The following KCNQ1 variants were observed in gnomAD, a reference collection of about 807,000 sequenced individuals.
KCNQ1 encodes the protein potassium voltage-gated channel subfamily KQT member 1.
Under a neutral mutation model 72.4 loss-of-function variants are expected in KCNQ1, and 49 were observed. That is an observed-to-expected ratio of 0.68 (90% confidence interval 0.54 to 0.86). The LOEUF is 0.86. Among genes scored for constraint, KCNQ1 ranks in the 40% least tolerant of loss-of-function variants. The pLI is 0.00. For synonymous variants in KCNQ1, 450 were observed against 412.6 expected (o/e 1.09, Z -1.10); for missense variants, 790 against 945.1 (o/e 0.84, Z 2.15).
In KCNQ1 at chr11:2,516,491, A is replaced by G. The variant is rs964579450; in HGVS notation, c.387-11437A>G. ...CTCCGGGCTCAAAATTGGCCCCCAG[A>G]AAGCCTTTGAGATGGACAGGGAGCT... On this transcript the variant is annotated intron_variant, in intron 1 of 15. Transcript: ENST00000155840. This position sits in a 1 kb window ranked among gnomAD's most constrained non-coding sequence, Gnocchi z 7.0. Among the ~76,000 whole-genome samples, 4 of 152,100 alleles carry G rather than the reference A, an allele frequency of 2.6e-5. No individual in the cohort carries two copies. Among genetic ancestry groups the G allele is most frequent in the African/African-American group, 9.7e-5 (4 of 41,420 alleles).
In KCNQ1 at chr11:2,536,647, A is replaced by G. The variant is rs969090967; in HGVS notation, c.477+8629A>G. On this transcript the variant is annotated intron_variant, in intron 2 of 15. Transcript: ENST00000155840. The surrounding 1 kb of genome is among the most constrained non-coding windows in gnomAD (Gnocchi z 7.4). ...GTTTGGGCCACAGCAGTGGCTTCCC[A>G]GGCTGGGCTTCAAAACCGGACACAG... Among the ~76,000 whole-genome samples the G allele has an allele frequency of 2.0e-5, 3 of 152,148 alleles. No individual in the cohort carries two copies. The highest frequency in any genetic ancestry group is 7.2e-5 in the African/African-American group (3 of 41,448).
intron 11 of KCNQ1, chr11:2,699,673 C>T: frequency 5.6e-6 from 2 of 355,248 alleles, no homozygotes; most frequent in African/African-American, 2.2e-5. Context: ...CGGGGAGAAC[C>T]GCGCCGAAAA....
chr11:2,733,403 G>C (rs559474599), intron 11 of KCNQ1, among the ~76,000 whole-genome samples: 4 of 152,286 alleles, frequency 2.6e-5, no homozygotes, highest in African/African-American at 9.6e-5. Flanking sequence ...CCTTTGCTCA[G>C]CTTCCTTCCA....
Position 2,783,065 on chromosome 11 carries a change from T to C in KCNQ1, c.1794+5028T>C, listed in dbSNP as rs1846850480. ...TTAATTTTTCTAACCACTGTCAATC[T>C]CATGGCTTTCTAAATTTTTAAGGTA... On this transcript the variant is annotated intron_variant, in intron 15 of 15. Coordinates refer to ENST00000155840, the MANE Select transcript of KCNQ1 (RefSeq NM_000218.3). This position sits in a 1 kb window ranked among gnomAD's most constrained non-coding sequence, Gnocchi z 5.2. Among the ~76,000 whole-genome samples the C allele has an allele frequency of 6.6e-6, 1 of 152,196 alleles. No individual in the cohort carries two copies. Among genetic ancestry groups the C allele is most frequent in the African/African-American group, 2.4e-5 (1 of 41,446 alleles).
rs1850023088 is a variant in KCNQ1, at chr11:2,664,300, G to C, written c.1514+2219G>C. ...TGCAAAGGGGCCACCTTGAGGCATT[G>C]TGTTCTGGTCAGGGAAGACTCAGGG... On this transcript the variant is annotated intron_variant, in intron 11 of 15. Transcript: ENST00000155840. The surrounding 1 kb of genome is among the most constrained non-coding windows in gnomAD (Gnocchi z 5.1). The C allele has an allele frequency of 5.0e-6, 2 of 399,100 alleles. No homozygotes were observed. The highest frequency in any genetic ancestry group is 8.8e-6 in the Non-Finnish European group (2 of 226,522). 24.7% of individuals were successfully genotyped at this position (399,100 alleles called of 1,614,324 possible). A position where few individuals can be genotyped will look rare whatever the true frequency, so the allele number is the denominator to read the frequency against.
At chr11:2,556,355 G>A (rs1848070595) in intron 2 of KCNQ1, among the ~76,000 whole-genome samples, 1 of 152,198 alleles carries the variant, frequency 6.6e-6, no homozygotes, top group African/African-American at 2.4e-5. Flanking sequence ...CGGGGCGGGG[G>A]ACACAGTTTA....
Position 2,712,601 on chromosome 11 carries a change from G to A in KCNQ1, c.1514+50520G>A, listed in dbSNP as rs1008817258. On this transcript the variant is annotated intron_variant, in intron 11 of 15. Coordinates refer to ENST00000155840, the MANE Select transcript of KCNQ1 (RefSeq NM_000218.3). This position sits in a 1 kb window ranked among gnomAD's most constrained non-coding sequence, Gnocchi z 6.4. ...GACACTCTTCTCTCTTAGGTGGTTT[G>A]AGGAGACTTAGGGGCTTCCATATTC... Among the ~76,000 whole-genome samples, 3 of 152,190 alleles carry A rather than the reference G, an allele frequency of 2.0e-5. No individual in the cohort carries two copies. Among genetic ancestry groups the A allele is most frequent in the Non-Finnish European group, 4.4e-5 (3 of 68,028 alleles).
intron 2 of KCNQ1, among the ~76,000 whole-genome samples, chr11:2,561,684 CTT>C (rs1006944639): frequency 6.6e-6 from 1 of 152,238 alleles, no homozygotes; most frequent in African/African-American, 2.4e-5. Flanking sequence ...CTTAGCGATC[CTT>C]TCTCTTGCTA....
rs1006501007 is a variant in KCNQ1, at chr11:2,612,713, G to A, written c.1393+23859G>A. The A allele has an allele frequency of 2.3e-5, 9 of 398,364 alleles. No homozygotes were observed. Among genetic ancestry groups the A allele is most frequent in the East Asian group, 1.1e-4 (3 of 28,056 alleles). The allele number at this position is 398,364 out of a possible 1,614,324, so 24.7% of individuals were successfully genotyped here. On this transcript the variant is annotated intron_variant, in intron 10 of 15. Transcript: ENST00000155840. The surrounding 1 kb of genome is among the most constrained non-coding windows in gnomAD (Gnocchi z 5.5). ...GTTATAATACTTACTTTGAAATCGC[G>A]CCCTAACATTTGGGGCCCTTCAGAG...
rs1394040199 is a variant in KCNQ1 at position 2,824,610 on chromosome 11, G to A, written c.1795-23157G>A. 2.0e-5 allele frequency among the ~76,000 whole-genome samples: 3 copies of A among 152,266 alleles called. No homozygotes were observed. The highest frequency in any genetic ancestry group is 2.1e-4 in the South Asian group (1 of 4,828). ...TACCTGAAGAAGGGGTGTGGATGAG[G>A]TTGCCTGGCAAGAGATTGCAGGGAG... On this transcript the variant is annotated intron_variant, in intron 15 of 15. Transcript: ENST00000155840. This position sits in a 1 kb window ranked among gnomAD's most constrained non-coding sequence, Gnocchi z 5.9.
At chr11:2,590,300 C>CAT (rs1215344931) in intron 10 of KCNQ1, among the ~76,000 whole-genome samples, 1 of 152,242 alleles carries the variant, frequency 6.6e-6, no homozygotes, top group East Asian at 1.9e-4. Flanking sequence ...CTGAGGCAGA[C>CAT]ATAGTAGTGA....
Position 2,683,973 on chromosome 11 carries a change from T to C in KCNQ1, c.1514+21892T>C, listed in dbSNP as rs937149317. ...TGACTGCTTTTACTTTTTTTTTTTT[T>C]TCATTTAGAAGAATTTCCTTGGCAA... On this transcript the variant is annotated intron_variant, in intron 11 of 15. Coordinates refer to ENST00000155840, the MANE Select transcript of KCNQ1 (RefSeq NM_000218.3). This position sits in a 1 kb window ranked among gnomAD's most constrained non-coding sequence, Gnocchi z 4.7. 5.0e-6 allele frequency: 2 copies of C among 398,474 alleles called. No individual in the cohort carries two copies. The highest frequency in any genetic ancestry group is 2.1e-5 in the African/African-American group (1 of 48,598). The allele number at this position is 398,474 out of a possible 1,614,324, so 24.7% of individuals were successfully genotyped here.
rs748784421 is a variant in KCNQ1, at chr11:2,538,805, A to T, written c.477+10787A>T. Among the ~76,000 whole-genome samples, 29 of 150,396 alleles carry T rather than the reference A, an allele frequency of 1.9e-4. No individual in the cohort carries two copies. The highest frequency in any genetic ancestry group is 2.6e-4 in the Admixed American group (4 of 15,124). On this transcript the variant is annotated intron_variant, in intron 2 of 15. Coordinates refer to ENST00000155840, the MANE Select transcript of KCNQ1 (RefSeq NM_000218.3). The surrounding 1 kb of genome is among the most constrained non-coding windows in gnomAD (Gnocchi z 6.7). ...CATATATATCAAGTTTGTTCAGAAC[A>T]AGATGGGGTGGGGTGGGGGGCAGTG...
chr11:2,810,183 T>A (rs1285772186), intron 15 of KCNQ1, among the ~76,000 whole-genome samples: 1 of 152,244 alleles, frequency 6.6e-6, no homozygotes, highest in Admixed American at 6.5e-5. Context: ...AAGTGGCCTT[T>A]CTTTTCTTCC....
intron 6 of KCNQ1, among the ~76,000 whole-genome samples, chr11:2,576,830 C>T (rs562526509): frequency 1.5e-4 from 23 of 152,336 alleles, no homozygotes; most frequent in South Asian, 4.1e-4. Context: ...GCCAAGGCGC[C>T]GTGGGCCGAG....
rs1267116833 is a variant in KCNQ1 at position 2,601,904 on chromosome 11, A to G, written c.1393+13050A>G. Among the ~76,000 whole-genome samples the G allele has an allele frequency of 1.3e-5, 2 of 152,192 alleles. No individual in the cohort carries two copies. The highest frequency in any genetic ancestry group is 2.9e-5 in the Non-Finnish European group (2 of 68,036). ...ATGGCCCCCAAAGTAGCCAGGTCCT[A>G]ACGCCTAGAACCTGTGACTATCGCC... On this transcript the variant is annotated intron_variant, in intron 10 of 15. Transcript: ENST00000155840. This position sits in a 1 kb window ranked among gnomAD's most constrained non-coding sequence, Gnocchi z 5.2.
intron 2 of KCNQ1, among the ~76,000 whole-genome samples, chr11:2,535,194 A>AC (rs1270197713): frequency 6.6e-6 from 1 of 152,146 alleles, no homozygotes; most frequent in Non-Finnish European, 1.5e-5. Context: ...GGGTGAAAGG[A>AC]CGCTAGACAC....
chr11:2,644,318 T>C, intron 10 of KCNQ1: 1 of 398,458 alleles, frequency 2.5e-6, no homozygotes, highest in Non-Finnish European at 4.4e-6. Context: ...AAAAGACTTA[T>C]CTTCAAGGTG....
At chr11:2,705,382 C>G (rs1397485386) in intron 11 of KCNQ1, among the ~76,000 whole-genome samples, 1 of 152,158 alleles carries the variant, frequency 6.6e-6, no homozygotes, top group East Asian at 1.9e-4. Flanking sequence ...CCTTGATTAG[C>G]CGAACCCAAC....
Sources: allele counts gnomAD v4.1 joint callset (sites outside exome capture counted in the v4.1 genomes callset), GRCh38; gene constraint gnomAD v4.1.1; non-coding constraint Gnocchi (gnomAD v3.1); transcripts MANE v1.5; gene names NCBI Gene and HGNC (gene_info 2026-07-23, HGNC 2026-07-21).